CELF2: variants seen among roughly 807,000 people sequenced by gnomAD.
CELF2 encodes the protein CUG triplet repeat RNA-binding protein 2.
In CELF2, 8 loss-of-function variants were observed where a neutral mutation model predicts 62.6. The observed-to-expected ratio is 0.13, with a 90% CI of 0.07 to 0.23. CELF2 has a LOEUF of 0.23. CELF2 is among the 10% of genes least tolerant of loss of function. The pLI is 1.00. For synonymous variants in CELF2, 258 were observed against 250.0 expected (o/e 1.03, Z -0.30); for missense variants, 333 against 671.0 (o/e 0.50, Z 5.56).
the CELF2 span, among the ~76,000 whole-genome samples, chr10:10,495,676 T>G: frequency 2.4e-4 from 36 of 152,300 alleles, no homozygotes; most frequent in African/African-American, 8.4e-4. Context: ...CTGCCATCCA[T>G]CAGTACTGCA....
rs151157697 is a variant in CELF2 at position 10,956,928 on chromosome 10, C to A, written c.89+36929C>A. Among the ~76,000 whole-genome samples, 448 of 150,540 alleles carry A rather than the reference C, an allele frequency of 3.0e-3. 2 individuals carry two copies. The highest frequency in any genetic ancestry group is 0.01 in the African/African-American group (422 of 40,644). ...CAGCCTGGGCGGTAGACCAAGACAC[C>A]GTCTCTTAAAAAAAAAAAAAGAAAA... On this transcript the variant is annotated intron_variant, in intron 2 of 13. Coordinates refer to the CELF2 transcript ENST00000636488.
chr10:11,069,197 A>C (rs1055376717), intron 1 of CELF2, among the ~76,000 whole-genome samples: 4 of 152,188 alleles, frequency 2.6e-5, no homozygotes, highest in Non-Finnish European at 5.9e-5. Flanking sequence ...GAAGTCAAGA[A>C]ATGTTTTTAT....
intron 1 of CELF2, among the ~76,000 whole-genome samples, chr10:11,163,238 C>T (rs886700311): frequency 4.5e-4 from 68 of 152,222 alleles, no homozygotes; most frequent in African/African-American, 1.6e-3. Context: ...TTATGTGCTC[C>T]GCAGATGAGG....
the CELF2 span, among the ~76,000 whole-genome samples, chr10:10,600,695 C>T: frequency 6.6e-6 from 1 of 152,146 alleles, no homozygotes; most frequent in Non-Finnish European, 1.5e-5. Flanking sequence ...AAAAGTTGAG[C>T]AGAAGTTTTT....
chr10:10,500,722 A>G, the CELF2 span, among the ~76,000 whole-genome samples: 1 of 152,166 alleles, frequency 6.6e-6, no homozygotes, highest in Non-Finnish European at 1.5e-5. Flanking sequence ...TGACATTGAT[A>G]CTGTCAAGAT....
chr10:10,655,603 G>A, the CELF2 span, among the ~76,000 whole-genome samples: 2 of 119,986 alleles, frequency 1.7e-5, 1 homozygote, highest in Non-Finnish European at 3.7e-5. Flanking sequence ...ACAAACCTGA[G>A]AAAAACGAGC....
intron 4 of CELF2, 103 bp downstream of exon 4, chr10:11,249,304 G>A (rs113335364): frequency 3.4e-5 from 30 of 881,374 alleles, no homozygotes; most frequent in African/African-American, 3.3e-4. Flanking sequence ...TTTCTCTCTA[G>A]AGGACAGAGA....
the CELF2 span, among the ~76,000 whole-genome samples, chr10:10,724,077 G>C: frequency 1.3e-5 from 2 of 152,202 alleles, no homozygotes; most frequent in Non-Finnish European, 2.9e-5. Flanking sequence ...GAAGCAGAAA[G>C]AGAGGCCCTG....
the CELF2 span, among the ~76,000 whole-genome samples, chr10:10,570,170 GAGCAGAGCAGCAATGCCTC>G: frequency 6.6e-6 from 1 of 152,132 alleles, no homozygotes; most frequent in Admixed American, 6.6e-5. Flanking sequence ...GCATTGAGGG[GAGCAGAGCAGCAATGCCTC>G]AGGGTGAGAA....
chr10:10,462,604 AT>A, the CELF2 span, among the ~76,000 whole-genome samples: 1 of 47,454 alleles, frequency 2.1e-5, no homozygotes, highest in Non-Finnish European at 4.6e-5. Flanking sequence ...AACGAGTTTA[AT>A]TTTTTTCATC....
chr10:11,266,759 T>C, intron 6 of CELF2, 82 bp downstream of exon 6: 3 of 1,074,562 alleles, frequency 2.8e-6, no homozygotes, highest in Middle Eastern at 4.0e-4. Flanking sequence ...GTGTGGATTG[T>C]TCACATGACA....
chr10:10,561,862 A>T, the CELF2 span, among the ~76,000 whole-genome samples: 1 of 152,120 alleles, frequency 6.6e-6, no homozygotes, highest in African/African-American at 2.4e-5. Flanking sequence ...AAGGGGTGAA[A>T]TTTGGGAAGG....
chr10:10,599,742 G>GT, the CELF2 span, among the ~76,000 whole-genome samples: 4 of 75,808 alleles, frequency 5.3e-5, no homozygotes, highest in South Asian at 4.0e-4. Context: ...TTTTTTTTTT[G>GT]TTTTTTTGAG....
chr10:10,847,842 T>C (rs1010029915), intron 1 of CELF2, among the ~76,000 whole-genome samples: 4 of 152,204 alleles, frequency 2.6e-5, no homozygotes, highest in Admixed American at 2.0e-4. Context: ...CCAGATTTTA[T>C]AGCATTATCT....
chr10:10,526,960 A>G, the CELF2 span, among the ~76,000 whole-genome samples: 1 of 152,246 alleles, frequency 6.6e-6, no homozygotes, highest in Non-Finnish European at 1.5e-5. Context: ...GTTGTTTATA[A>G]ATCAGCAGCA....
At chr10:10,510,285 G>A in the CELF2 span, among the ~76,000 whole-genome samples, 2 of 152,106 alleles carry the variant, frequency 1.3e-5, no homozygotes, top group Admixed American at 6.6e-5. Flanking sequence ...AGTCATCTCC[G>A]TAATACTTGA....
At chr10:10,672,734 T>C in the CELF2 span, among the ~76,000 whole-genome samples, 1 of 152,146 alleles carries the variant, frequency 6.6e-6, no homozygotes, top group Non-Finnish European at 1.5e-5. Context: ...AGTATCAGTC[T>C]ACAAACTTCA....
the CELF2 span, among the ~76,000 whole-genome samples, chr10:10,675,016 C>T: frequency 6.6e-6 from 1 of 152,152 alleles, no homozygotes; most frequent in Non-Finnish European, 1.5e-5. Context: ...TTTGAACATA[C>T]TGTTACCTGT....
the CELF2 span, among the ~76,000 whole-genome samples, chr10:10,624,518 G>A: frequency 6.6e-6 from 1 of 152,146 alleles, no homozygotes; most frequent in East Asian, 1.9e-4. Flanking sequence ...CATCACATTT[G>A]GCCAATTCGG....
Sources: gnomAD v4.1 joint callset for allele counts (sites outside exome capture counted in the v4.1 genomes callset) on GRCh38, gnomAD v4.1.1 for gene constraint, MANE v1.5 for transcripts, NCBI Gene and HGNC (gene_info 2026-07-23, HGNC 2026-07-21) for gene names.